CHST15: variants seen among roughly 807,000 people sequenced by gnomAD.
CHST15 encodes the protein carbohydrate sulfotransferase 15, also known as B cell RAG associated protein (GALNAC4S-6ST).
Under a neutral mutation model 53.6 loss-of-function variants are expected in CHST15, and 30 were observed. That is an observed-to-expected ratio of 0.56 (90% CI 0.42 to 0.76). The LOEUF is 0.76. CHST15 is among the 30% of genes least tolerant of loss of function. The pLI, the probability that CHST15 is intolerant of heterozygous loss-of-function variation, is 0.00. For synonymous variants in CHST15, 296 were observed against 289.8 expected (o/e 1.02, Z -0.22); for missense variants, 627 against 740.5 (o/e 0.85, Z 1.78).
At chr10:124,064,260 T>C (rs1948683527) in intron 1 of CHST15, among the ~76,000 whole-genome samples, 1 of 152,218 alleles carries the variant, frequency 6.6e-6, no homozygotes, top group East Asian at 1.9e-4. Context: ...AGACCTGCTC[T>C]GGTTTCTGTT....
rs574522732 is a variant in CHST15, at chr10:124,021,121, G to A, written c.1347+135C>T. ...TTACATCCATGAATAATGGGGAACA[G>A]CATTTGCACATTAAAACGCTTCTCT... On this transcript the variant is annotated intron_variant, in intron 6 of 7. Coordinates refer to ENST00000435907, the MANE Select transcript of CHST15 (RefSeq NM_001270764.2). The A allele has an allele frequency of 2.5e-5, 38 of 1,518,478 alleles. No homozygotes were observed. The East Asian group carries it at 8.9e-4, about 36-fold the overall frequency. 94.1% of individuals were successfully genotyped at this position (1,518,478 alleles called of 1,614,324 possible).
intron 7 of CHST15, chr10:124,010,882 G>A (rs1042173920): frequency 1.4e-5 from 14 of 985,332 alleles, no homozygotes; most frequent in Non-Finnish European, 1.6e-5. Flanking sequence ...TGTGCCCAGA[G>A]CCCCCACTGG....
intron 1 of CHST15, among the ~76,000 whole-genome samples, chr10:124,059,603 C>T (rs368410417): frequency 8.5e-5 from 13 of 152,224 alleles, no homozygotes; most frequent in East Asian, 5.8e-4. Context: ...TCCTTCAGGA[C>T]GGGCAGAGGA....
rs1370892254 is a variant in CHST15, at chr10:124,088,008, G to A, written c.-513+5461C>T. Among the ~76,000 whole-genome samples the A allele has an allele frequency of 2.0e-5, 3 of 152,332 alleles. No homozygotes were observed. The East Asian group carries it at 5.8e-4, about 29-fold the overall frequency. ...CCTAGCTGGAGCCAAGGCTTGCAGGGGCTCCTGCCTATATCCTTTGAGGTA... is the reference window on the plus strand; with the variant it reads ...CCTAGCTGGAGCCAAGGCTTGCAGGAGCTCCTGCCTATATCCTTTGAGGTA... On this transcript the variant is annotated intron_variant, in intron 1 of 7. Transcript: ENST00000435907.
In CHST15 at chr10:124,019,980, T is replaced by G. The variant is rs1946716056; in HGVS notation, c.1347+1276A>C. On this transcript the variant is annotated intron_variant, in intron 6 of 7. Coordinates refer to ENST00000435907, the MANE Select transcript of CHST15 (RefSeq NM_001270764.2). This position sits in a 1 kb window ranked among gnomAD's most constrained non-coding sequence, Gnocchi z 4.6. ...TCTCCTTCAGGCCTCAGCACAGACATTCCCTCTCCTAAGAACCTGCCTGAA... is the reference window on the plus strand; with the variant it reads ...TCTCCTTCAGGCCTCAGCACAGACAGTCCCTCTCCTAAGAACCTGCCTGAA... 1 of 985,570 alleles carries G rather than the reference T, an allele frequency of 1.0e-6. No homozygotes were observed. The highest frequency in any genetic ancestry group is 1.7e-5 in the African/African-American group (1 of 57,212). The allele number at this position is 985,570 out of a possible 1,614,324, so 61.1% of individuals were successfully genotyped here.
At chr10:124,048,223 G>T (rs1948068901) in intron 1 of CHST15, among the ~76,000 whole-genome samples, 1 of 152,222 alleles carries the variant, frequency 6.6e-6, no homozygotes, top group Non-Finnish European at 1.5e-5. Flanking sequence ...AAATTACACA[G>T]AATTCTTTAC....
intron 5 of CHST15, among the ~76,000 whole-genome samples, chr10:124,021,988 A>T (rs1946806003): frequency 6.6e-6 from 1 of 152,166 alleles, no homozygotes; most frequent in Non-Finnish European, 1.5e-5. Flanking sequence ...ATGCACAGGA[A>T]TACCTGCAGA....
intron 6 of CHST15, among the ~76,000 whole-genome samples, chr10:124,015,102 C>A (rs114701202): frequency 0.011 from 1,697 of 152,306 alleles, 32 homozygotes; most frequent in African/African-American, 0.039. Context: ...CCCCAGCCCC[C>A]TTGCCAAGCA....
intron 1 of CHST15, among the ~76,000 whole-genome samples, chr10:124,089,909 T>C (rs4397783): frequency 0.66 from 100,886 of 152,114 alleles, 33,660 homozygotes; most frequent in Middle Eastern, 0.69. Context: ...AAAGGAATTA[T>C]ATGAAAAGGT....
At chr10:124,033,191 C>T (rs965451143) in intron 5 of CHST15, among the ~76,000 whole-genome samples, 13 of 152,182 alleles carry the variant, frequency 8.5e-5, no homozygotes, top group South Asian at 2.1e-4. Flanking sequence ...ATGGGAAACG[C>T]GCCAACCATT....
At position 124,021,380 on chromosome 10, in the gene CHST15, G is replaced by A. The variant is rs375217023; in HGVS notation, c.1223C>T (p.Ser408Leu). ...LYSDYLYFAS[S>L]NKSADDFHEK... ...ATGGAAGTCGTCCGCGGATTTATTCGAACTTGCAAAGTAGAGATAGTCTGA... is the reference window on the plus strand; with the variant it reads ...ATGGAAGTCGTCCGCGGATTTATTCAAACTTGCAAAGTAGAGATAGTCTGA... Residue 408 changes from serine to leucine, a missense_variant, in exon 6 of 8, where the codon TCG becomes TTG. By Grantham distance (145) the Ser-to-Leu change is moderately radical. Transcript: ENST00000435907. The A allele has an allele frequency of 2.0e-5, 32 of 1,613,830 alleles. No individual in the cohort carries two copies. The highest frequency in any genetic ancestry group is 2.5e-5 in the Non-Finnish European group (30 of 1,179,902).
chr10:124,091,380 G>T (rs1283630040), intron 1 of CHST15, among the ~76,000 whole-genome samples: 1 of 152,188 alleles, frequency 6.6e-6, no homozygotes, highest in Non-Finnish European at 1.5e-5. Context: ...AATGGTCCAG[G>T]AAGGTCCAAG....
chr10:124,059,467 T>A (rs1055184197), intron 1 of CHST15, among the ~76,000 whole-genome samples: 1 of 152,114 alleles, frequency 6.6e-6, no homozygotes, highest in Non-Finnish European at 1.5e-5. Flanking sequence ...AGACTACAGA[T>A]TAAGGACAGA....
chr10:124,019,935 C>T lies in CHST15; in HGVS notation c.1347+1321G>A. 3 of 985,880 alleles carry T rather than the reference C, an allele frequency of 3.0e-6. No individual in the cohort carries two copies. Among genetic ancestry groups the T allele is most frequent in the Non-Finnish European group, 3.6e-6 (3 of 830,276 alleles). 61.1% of individuals were successfully genotyped at this position (985,880 alleles called of 1,614,324 possible). A position where few individuals can be genotyped will look rare whatever the true frequency, so the allele number is the denominator to read the frequency against. The stretch of plus-strand genomic sequence containing the variant: ...GACCACTGGGCCTCTGCACACGCTG[C>T]TCTCAGTTCCCTGGCCAACTCTCCT... On this transcript the variant is annotated intron_variant, in intron 6 of 7. Coordinates refer to ENST00000435907, the MANE Select transcript of CHST15 (RefSeq NM_001270764.2). The surrounding 1 kb of genome is among the most constrained non-coding windows in gnomAD (Gnocchi z 4.6).
In CHST15 at chr10:124,062,452, G is replaced by A. The variant is rs80127616; in HGVS notation, c.-512-15728C>T. Among the ~76,000 whole-genome samples the A allele has an allele frequency of 7.6e-3, 1,153 of 152,284 alleles. 18 individuals carry two copies. The highest frequency in any genetic ancestry group is 0.027 in the African/African-American group (1,116 of 41,560). On this transcript the variant is annotated intron_variant, in intron 1 of 7. Coordinates refer to ENST00000435907, the MANE Select transcript of CHST15 (RefSeq NM_001270764.2). ...CCCCTTACCGGCTGTGTGCCCTCGG[G>A]CAAACTGCTTTGCACTTCGGTGCCT...
chr10:124,015,430 C>G (rs957900223), intron 6 of CHST15, among the ~76,000 whole-genome samples: 1 of 152,180 alleles, frequency 6.6e-6, no homozygotes, highest in African/African-American at 2.4e-5. Context: ...TGGCCAATAC[C>G]CTTGGAGCCA....
intron 6 of CHST15, 108 bp from the exon 7 acceptor site, chr10:124,012,588 A>G: frequency 7.9e-7 from 1 of 1,263,774 alleles, no homozygotes; most frequent in Non-Finnish European, 1.1e-6. Context: ...GAGTTATCCT[A>G]GCAAAGTTAC....
intron 1 of CHST15, among the ~76,000 whole-genome samples, chr10:124,079,596 C>G (rs1949175733): frequency 6.6e-6 from 1 of 152,170 alleles, no homozygotes; most frequent in Non-Finnish European, 1.5e-5. Flanking sequence ...GCCTGGGGCC[C>G]ACTCCCTCGC....
intron 1 of CHST15, among the ~76,000 whole-genome samples, chr10:124,049,591 T>C (rs1280613406): frequency 6.6e-6 from 1 of 152,208 alleles, no homozygotes; most frequent in African/African-American, 2.4e-5. Flanking sequence ...CTCAGGCAGC[T>C]TCCAGGTTGG....
Sources: allele counts gnomAD v4.1 joint callset (sites outside exome capture counted in the v4.1 genomes callset), GRCh38; gene constraint gnomAD v4.1.1; non-coding constraint Gnocchi (gnomAD v3.1); transcripts MANE v1.5; gene names NCBI Gene and HGNC (gene_info 2026-07-23, HGNC 2026-07-21).